NID1: variants seen among roughly 807,000 people sequenced by gnomAD.
NID1 encodes nidogen 1, also known as nidogen-1.
NID1 carries 76 observed loss-of-function variants against 130.6 expected under a neutral mutation model. The ratio of observed to expected loss-of-function variants is 0.58; its 90% confidence interval spans 0.48 to 0.70. The LOEUF (loss-of-function observed/expected upper bound fraction) is 0.70. NID1 is among the 30% of genes least tolerant of loss of function. The pLI is 0.00. For missense variants in NID1, 1,517 were observed against 1,664.8 expected (o/e 0.91, Z 1.54); for synonymous variants, 665 against 675.1 (o/e 0.98, Z 0.23).
At chr1:236,042,863 C>A (rs1027863276) in intron 3 of NID1, among the ~76,000 whole-genome samples, 1 of 152,094 alleles carries the variant, frequency 6.6e-6, no homozygotes, top group Non-Finnish European at 1.5e-5. Flanking sequence ...GGGCTGGTGG[C>A]CAGAAAGACC....
chr1:236,029,845 G>A (rs2273586), intron 6 of NID1, 95 bp from the exon 7 acceptor site: 26 of 1,139,498 alleles, frequency 2.3e-5, no homozygotes, highest in Admixed American at 5.9e-5. Context: ...TGGTGCGAAC[G>A]CTTCTGCAGG....
At chr1:235,994,331 T>C (rs1657860136) in intron 12 of NID1, among the ~76,000 whole-genome samples, 1 of 152,086 alleles carries the variant, frequency 6.6e-6, no homozygotes, top group Non-Finnish European at 1.5e-5. Context: ...CCCAGGTAAT[T>C]TTGTATTTTT....
Position 236,064,963 on chromosome 1 carries a change from G to T in NID1, c.117C>A (p.Pro39=). The change falls in exon 1 of 20, where the codon CCC becomes CCA. Residue 39 remains proline, a synonymous_variant. Coordinates refer to ENST00000264187, the MANE Select transcript of NID1 (RefSeq NM_002508.3). The part of the protein sequence containing the change: ...LSRQELFPFG[P]GQGDLELEDG... ...CCTCCAGCTCCAGGTCCCCCTGTCC[G>T]GGGCCGAAGGGAAAGAGCTCCTGGC... is the stretch of plus-strand genomic sequence containing the variant. 1 of 1,595,606 alleles carries T rather than the reference G, an allele frequency of 6.3e-7. No individual in the cohort carries two copies. The highest frequency in any genetic ancestry group is 2.3e-5 in the East Asian group (1 of 43,692).
chr1:236,017,194 G>C lies in NID1; in HGVS notation c.2208C>G (p.Cys736Trp). The change falls in exon 10 of 20, where the codon TGC (cysteine) becomes TGG (tryptophan). Residue 736 changes from cysteine (C) to tryptophan (W), a missense_variant. By Grantham distance (215) the Cys-to-Trp change is radical. This residue lies in a region of NID1 where 1,329 missense variants were observed against 1,429.2 expected (regional missense o/e 0.93). Transcript: ENST00000264187. Reference sequence around the variant, plus strand: ...AAAACTGGTAGCCCTCCACACACTCGCAGCGGAAGGTTCCTGGGTGATTAT... The same window carrying C: ...AAAACTGGTAGCCCTCCACACACTCCCAGCGGAAGGTTCCTGGGTGATTAT... ...ICNNHPGTFR[C>W]ECVEGYQFSD... 1 of 1,614,080 alleles carries C rather than the reference G, an allele frequency of 6.2e-7. No homozygotes were observed. The highest frequency in any genetic ancestry group is 8.5e-7 in the Non-Finnish European group (1 of 1,179,990).
At chr1:236,041,783 A>G (rs1572614709) in intron 4 of NID1, 127 bp downstream of exon 4, 1 of 1,227,118 alleles carries the variant, frequency 8.1e-7, no homozygotes, top group East Asian at 2.4e-5. Flanking sequence ...TTCAGCCTCT[A>G]CTTTCCCAAG....
At chr1:236,025,342 A>G (rs1572603355) in intron 8 of NID1, among the ~76,000 whole-genome samples, 1 of 147,840 alleles carries the variant, frequency 6.8e-6, no homozygotes, top group Admixed American at 6.8e-5. Flanking sequence ...GCTGACTACA[A>G]CCTCTGCCTC....
intron 15 of NID1, among the ~76,000 whole-genome samples, chr1:235,984,446 A>C (rs1460224448): frequency 6.6e-6 from 1 of 152,226 alleles, no homozygotes; most frequent in African/African-American, 2.4e-5. Flanking sequence ...AGGCACAGGA[A>C]ATCTTCTAGA....
In NID1 at chr1:236,064,894, C is replaced by T. The variant is rs140751993; in HGVS notation, c.186G>A (p.Ala62=). The change falls in exon 1 of 20, where the codon GCG becomes GCA. Residue 62 remains alanine, a synonymous_variant. Coordinates refer to ENST00000264187, the MANE Select transcript of NID1 (RefSeq NM_002508.3). ...FVSPALELSG[A]LRFYDRSDID... ...TGTCGGATCTGTCGTAGAAGCGGAG[C>T]GCCCCACTCAGCTCCAGGGCAGGAG... is the stretch of plus-strand genomic sequence containing the variant. 85 of 1,612,294 alleles carry T rather than the reference C, an allele frequency of 5.3e-5. No individual in the cohort carries two copies. Among genetic ancestry groups the T allele is most frequent in the Non-Finnish European group, 6.5e-5 (77 of 1,179,500 alleles).
At position 235,977,885 on chromosome 1, in the gene NID1, G is replaced by A; in HGVS notation, c.3726C>T (p.Asp1242=). 6.2e-7 allele frequency: 1 copy of A among 1,614,158 alleles called. No homozygotes were observed. The highest frequency in any genetic ancestry group is 8.5e-7 in the Non-Finnish European group (1 of 1,180,010). ...CTTGTCTTCATTTCTGTTCGATACA[G>A]TCAACTCCCAAGGTGTTGTCAGGGC... ...CRCPDNTLGV[D]CIEQK is the part of the protein sequence containing the mutation. Residue 1242 remains aspartate (D), a synonymous_variant, in exon 20 of 20, where the codon GAC becomes GAT. Transcript: ENST00000264187.
chr1:235,985,892 T>C (rs60710571), intron 14 of NID1, among the ~76,000 whole-genome samples: 3,996 of 152,162 alleles, frequency 0.026, 177 homozygotes, highest in African/African-American at 0.089. Flanking sequence ...CTCAAGTAGC[T>C]GGGACTACAG....
chr1:236,052,325 G>C (rs1245284197), intron 1 of NID1, among the ~76,000 whole-genome samples: 1 of 151,532 alleles, frequency 6.6e-6, no homozygotes, highest in Non-Finnish European at 1.5e-5. Context: ...GAAGGGCAGG[G>C]AGCAAAAAGG....
intron 12 of NID1, among the ~76,000 whole-genome samples, chr1:236,004,815 C>T (rs1658199961): frequency 6.7e-6 from 1 of 149,680 alleles, no homozygotes; most frequent in South Asian, 2.1e-4. Flanking sequence ...AGAGCTAGAC[C>T]CTAGGAAATT....
chr1:236,064,622 CG>C (rs1198447779), intron 1 of NID1: 3 of 541,732 alleles, frequency 5.5e-6, no homozygotes, highest in South Asian at 1.9e-5. Context: ...GGTCACGGCC[CG>C]GGGCGCGCGG....
chr1:236,025,263 C>CTTTTTTTTTTTTT (rs750410998), intron 8 of NID1, among the ~76,000 whole-genome samples: 2 of 123,752 alleles, frequency 1.6e-5, no homozygotes, highest in African/African-American at 6.4e-5. Flanking sequence ...TACAATTTCT[C>CTTTTTTTTTTTTT]TTTTTTTTTT....
Position 236,032,193 on chromosome 1 carries a change from A to T in NID1, c.1537+208T>A, listed in dbSNP as rs1423224102. ...CCAATTCTAGGCAGTCTCAGTTGCT[A>T]TATATTAATGATAATATTACATGTT... On this transcript the variant is annotated intron_variant, in intron 6 of 19. Coordinates refer to ENST00000264187, the MANE Select transcript of NID1 (RefSeq NM_002508.3). Among the ~76,000 whole-genome samples the T allele has an allele frequency of 2.6e-5, 4 of 152,200 alleles. No individual in the cohort carries two copies. In the South Asian group the frequency reaches 6.2e-4, roughly 24 times the overall value.
chr1:236,007,267 AGGTTTT>A lies in NID1; in HGVS notation c.2527+4648_2527+4653del, dbSNP rs1337347643. Reference sequence around the variant, plus strand: ...CAGGGTGTTCTTAAACTCCTGGACCAGGTTTTACATTTCTAGCCCAAGACATTTAAT... The same window carrying A: ...CAGGGTGTTCTTAAACTCCTGGACCAACATTTCTAGCCCAAGACATTTAAT... On this transcript the variant is annotated intron_variant, in intron 12 of 19. Transcript: ENST00000264187. 1.1e-4 allele frequency among the ~76,000 whole-genome samples: 16 copies of A among 152,306 alleles called. 1 individual carries two copies. Among genetic ancestry groups the A allele is most frequent in the Admixed American group, 7.2e-4 (11 of 15,298 alleles).
intron 10 of NID1, 59 bp from the exon 11 acceptor site, chr1:236,013,619 T>C: frequency 1.2e-6 from 2 of 1,602,694 alleles, no homozygotes; most frequent in Non-Finnish European, 1.7e-6. Context: ...GCAGGCCACA[T>C]GCCCCTCCCA....
At chr1:235,990,702 G>T (rs1657706851) in intron 14 of NID1, among the ~76,000 whole-genome samples, 184 bp downstream of exon 14, 2 of 152,166 alleles carry the variant, frequency 1.3e-5, no homozygotes, top group African/African-American at 4.8e-5. Context: ...GCAGGGGAAT[G>T]GAAAGATCAC....
At chr1:236,009,318 A>G (rs920924188) in intron 12 of NID1, among the ~76,000 whole-genome samples, 1 of 152,236 alleles carries the variant, frequency 6.6e-6, no homozygotes, top group Non-Finnish European at 1.5e-5. Flanking sequence ...CCTTCGCCAG[A>G]CACTCAACTT....
Sources: gnomAD v4.1 joint callset for allele counts (sites outside exome capture counted in the v4.1 genomes callset) on GRCh38, gnomAD v4.1.1 for gene constraint, gnomAD v4.1.1 regional missense constraint, MANE v1.5 for transcripts, NCBI Gene and HGNC (gene_info 2026-07-23, HGNC 2026-07-21) for gene names.